Variants in LDLRAD2 observed in about 807,000 individuals in gnomAD.
LDLRAD2 encodes low-density lipoprotein receptor class A domain-containing protein 2.
In LDLRAD2, 25 loss-of-function variants were observed where a neutral mutation model predicts 24.9. The observed-to-expected ratio is 1.00, with a 90% confidence interval of 0.73 to 1.40. LDLRAD2 has a LOEUF of 1.40. LDLRAD2 is among the 40% of genes most tolerant of loss of function. The pLI is 0.00. For synonymous variants in LDLRAD2, 182 were observed against 166.7 expected, an observed-to-expected ratio of 1.09 and a Z score of -0.71; for missense variants, 391 against 366.2, an observed-to-expected ratio of 1.07 and a Z score of -0.55.
At chr1:21,819,884 G>A (rs1572113143) in intron 3 of LDLRAD2, among the ~76,000 whole-genome samples, 1 of 152,164 alleles carries the variant, frequency 6.6e-6, no homozygotes, top group South Asian at 2.1e-4. Context: ...CAGCTTCAGG[G>A]GATGCCTCAA....
At chr1:21,818,799 C>A (rs909377483) in intron 3 of LDLRAD2, among the ~76,000 whole-genome samples, 42 of 152,222 alleles carry the variant, frequency 2.8e-4, no homozygotes, top group African/African-American at 1.0e-3. Context: ...AAGCCTCGCC[C>A]GGGCTCAAAG....
Position 21,824,539 on chromosome 1 carries a change from C to T in LDLRAD2, c.*2324C>T. On this transcript the variant is annotated 3_prime_UTR_variant, in exon 5 of 5. Coordinates refer to ENST00000344642, the MANE Select transcript of LDLRAD2 (RefSeq NM_001013693.3). The surrounding 1 kb of genome is among the most constrained non-coding windows in gnomAD (Gnocchi z 5.9). The stretch of plus-strand genomic sequence containing the variant: ...CCCAGCCGGATACCCACACTCACCA[C>T]ACCCTGCCAGAGCAGGAGGCCACTG... 6.2e-7 allele frequency: 1 copy of T among 1,613,490 alleles called. No individual in the cohort carries two copies. The highest frequency in any genetic ancestry group is 8.5e-7 in the Non-Finnish European group (1 of 1,180,004).
At position 21,816,029 on chromosome 1, in the gene LDLRAD2, GGC is replaced by G; in HGVS notation, c.600_601del (p.Asp201TrpfsTer3). ...TGACCCCTGGGGCATGGACAACTGT[GGC>G]GATGGCAGTGACCAGGGCTCCTGGT... ...VCDPWGMDNC[G>X]DGSDQGSWSP... On this transcript the variant is annotated frameshift_variant, in exon 3 of 5. Coordinates refer to ENST00000344642, the MANE Select transcript of LDLRAD2 (RefSeq NM_001013693.3). LOFTEE classifies it high-confidence loss of function. 6.2e-7 allele frequency: 1 copy of G among 1,613,754 alleles called. No individual in the cohort carries two copies. Among genetic ancestry groups the G allele is most frequent in the Non-Finnish European group, 8.5e-7 (1 of 1,179,996 alleles).
In LDLRAD2 at chr1:21,824,718, A is replaced by G. The variant is rs1351086589; in HGVS notation, c.*2503A>G. On this transcript the variant is annotated 3_prime_UTR_variant, in exon 5 of 5. Coordinates refer to ENST00000344642, the MANE Select transcript of LDLRAD2 (RefSeq NM_001013693.3). This position sits in a 1 kb window ranked among gnomAD's most constrained non-coding sequence, Gnocchi z 5.9. ...GCCAGTCTCACCTCCTGGAGAAGAC[A>G]TGGCCAGGGAAGGCGAGGAAGCCAT... The G allele has an allele frequency of 6.2e-7, 1 of 1,613,718 alleles. No homozygotes were observed.
chr1:21,818,290 G>A (rs1488456738), intron 3 of LDLRAD2, among the ~76,000 whole-genome samples: 1 of 152,322 alleles, frequency 6.6e-6, no homozygotes, highest in East Asian at 1.9e-4. Flanking sequence ...GGGATTACAG[G>A]CGTGAGCCTC....
intron 1 of LDLRAD2, 59 bp from the exon 2 acceptor site, chr1:21,814,339 G>A: frequency 4.9e-6 from 7 of 1,425,666 alleles, no homozygotes; most frequent in Non-Finnish European, 6.6e-6. Flanking sequence ...GCGGGCAGGG[G>A]ACAGAGTAGA....
chr1:21,812,674 G>C (rs897543298), intron 1 of LDLRAD2, 138 bp downstream of exon 1: 3 of 693,160 alleles, frequency 4.3e-6, no homozygotes, highest in African/African-American at 3.6e-5. Context: ...AACTGTGTCT[G>C]GTCTTGCTTG....
Position 21,823,234 on chromosome 1 carries a change from T to C in LDLRAD2, c.*1019T>C. On this transcript the variant is annotated 3_prime_UTR_variant, in exon 5 of 5. Transcript: ENST00000344642. ...GCATCGCCTCGGTTTCTTACAAAAA[T>C]TCATAATAATATTAATAATAATATA... is the stretch of plus-strand genomic sequence containing the variant. The C allele has an allele frequency of 7.1e-6, 9 of 1,272,250 alleles. No individual in the cohort carries two copies. The highest frequency in any genetic ancestry group is 9.3e-6 in the Non-Finnish European group (9 of 969,964). 78.8% of individuals were successfully genotyped at this position (1,272,250 alleles called of 1,614,324 possible). A position where few individuals can be genotyped will look rare whatever the true frequency, so the allele number is the denominator to read the frequency against.
intron 3 of LDLRAD2, 108 bp downstream of exon 3, chr1:21,816,182 G>A: frequency 6.9e-7 from 1 of 1,446,596 alleles, no homozygotes; most frequent in East Asian, 2.4e-5. Flanking sequence ...AGAGAGGAAA[G>A]CGGAAGTGTG....
At position 21,823,219 on chromosome 1, in the gene LDLRAD2, G is replaced by C. The variant is rs912184337; in HGVS notation, c.*1004G>C. The C allele has an allele frequency of 7.5e-6, 9 of 1,192,178 alleles. No homozygotes were observed. Among genetic ancestry groups the C allele is most frequent in the Non-Finnish European group, 1.0e-5 (9 of 899,236 alleles). The allele number at this position is 1,192,178 out of a possible 1,614,324, so 73.8% of individuals were successfully genotyped here. On this transcript the variant is annotated 3_prime_UTR_variant, in exon 5 of 5. Coordinates refer to ENST00000344642, the MANE Select transcript of LDLRAD2 (RefSeq NM_001013693.3). ...TAGCAGCAAAGCGTGGCATCGCCTC[G>C]GTTTCTTACAAAAATTCATAATAAT...
chr1:21,814,363 C>A (rs1478217027), intron 1 of LDLRAD2, 35 bp from the exon 2 acceptor site: 13 of 1,529,660 alleles, frequency 8.5e-6, no homozygotes, highest in East Asian at 2.4e-5. Flanking sequence ...CGGGGTCGCG[C>A]CGCGCGGCTC....
Position 21,814,581 on chromosome 1 carries a change from C to G in LDLRAD2, c.269C>G (p.Thr90Ser), listed in dbSNP as rs536305107. 1.2e-6 allele frequency: 2 copies of G among 1,611,592 alleles called. No individual in the cohort carries two copies. Among genetic ancestry groups the G allele is most frequent in the African/African-American group, 1.3e-5 (1 of 74,818 alleles). The change falls in exon 2 of 5, where the codon ACC (threonine) becomes AGC (serine). Residue 90 changes from threonine to serine, a missense_variant. Physicochemically the swap from Thr to Ser is moderately conservative, Grantham distance 58. Coordinates refer to ENST00000344642, the MANE Select transcript of LDLRAD2 (RefSeq NM_001013693.3). ...QFRFFLVYSL[T>S]PAPPALNTSS... ...CGCTTCTTCCTGGTCTACAGCCTGA[C>G]CCCCGCGCCCCCGGCGCTCAACACC...
rs1226064474 is a variant in LDLRAD2 at position 21,820,450 on chromosome 1, A to C, written c.644-1000A>C. 3.4e-5 allele frequency among the ~76,000 whole-genome samples: 5 copies of C among 149,050 alleles called. No homozygotes were observed. The East Asian group carries it at 1.0e-3, about 30-fold the overall frequency. On this transcript the variant is annotated intron_variant, in intron 3 of 4. Coordinates refer to ENST00000344642, the MANE Select transcript of LDLRAD2 (RefSeq NM_001013693.3). ...AGGCAGGAGAATGGCGTGAACCCGG[A>C]AGGCGGAGCTTGCAGTGAGCCGAGA...
intron 3 of LDLRAD2, among the ~76,000 whole-genome samples, chr1:21,818,084 A>T (rs112549392): frequency 4.0e-5 from 5 of 124,884 alleles, no homozygotes; most frequent in Non-Finnish European, 8.4e-5. Flanking sequence ...TCCATGTTGG[A>T]CAGGCTGGTC....
In LDLRAD2 at chr1:21,824,654, A is replaced by G; in HGVS notation, c.*2439A>G. 1 of 1,613,342 alleles carries G rather than the reference A, an allele frequency of 6.2e-7. No individual in the cohort carries two copies. Among genetic ancestry groups the G allele is most frequent in the Non-Finnish European group, 8.5e-7 (1 of 1,179,496 alleles). Reference sequence around the variant, plus strand: ...GCGGGTGAGGGGACAGAAGTCCCAGATTCCCATCCTCCCCATTAGGCCCAT... The same window carrying G: ...GCGGGTGAGGGGACAGAAGTCCCAGGTTCCCATCCTCCCCATTAGGCCCAT... On this transcript the variant is annotated 3_prime_UTR_variant, in exon 5 of 5. Transcript: ENST00000344642. The surrounding 1 kb of genome is among the most constrained non-coding windows in gnomAD (Gnocchi z 5.9).
intron 3 of LDLRAD2, 87 bp downstream of exon 3, chr1:21,816,161 G>A: frequency 1.3e-6 from 2 of 1,532,336 alleles, no homozygotes; most frequent in Non-Finnish European, 1.8e-6. Context: ...GGGCCCCGAT[G>A]GGGAGGCAGG....
At position 21,824,464 on chromosome 1, in the gene LDLRAD2, A is replaced by C; in HGVS notation, c.*2249A>C. The C allele has an allele frequency of 6.2e-7, 1 of 1,600,634 alleles. No individual in the cohort carries two copies. Among genetic ancestry groups the C allele is most frequent in the Non-Finnish European group, 8.5e-7 (1 of 1,170,920 alleles). On this transcript the variant is annotated 3_prime_UTR_variant, in exon 5 of 5. Coordinates refer to ENST00000344642, the MANE Select transcript of LDLRAD2 (RefSeq NM_001013693.3). This position sits in a 1 kb window ranked among gnomAD's most constrained non-coding sequence, Gnocchi z 5.9. ...GGGGGCTCTGCTTTCCCCTCCCCCC[A>C]CCACTCCGGCCACCAGGAAGCCAGC...
chr1:21,820,351 G>A (rs1034295014), intron 3 of LDLRAD2, among the ~76,000 whole-genome samples: 8 of 151,756 alleles, frequency 5.3e-5, no homozygotes, highest in Non-Finnish European at 1.0e-4. Flanking sequence ...GTGAAACCCC[G>A]TCTCTACTAA....
intron 4 of LDLRAD2, chr1:21,821,842 C>T (rs1371394149): frequency 2.8e-6 from 4 of 1,427,838 alleles, no homozygotes; most frequent in Non-Finnish European, 3.6e-6. Flanking sequence ...AACCTGGTGC[C>T]CGTGGCCTCT....
Sources: allele counts gnomAD v4.1 joint callset (sites outside exome capture counted in the v4.1 genomes callset), GRCh38; gene constraint gnomAD v4.1.1; non-coding constraint Gnocchi (gnomAD v3.1); transcripts MANE v1.5; gene names NCBI Gene and HGNC (gene_info 2026-07-23, HGNC 2026-07-21).